PAN3: variants seen among roughly 807,000 people sequenced by gnomAD.
PAN3 encodes the protein PAN2-PAN3 deadenylation complex subunit PAN3.
In PAN3, 19 loss-of-function variants were observed where a neutral mutation model predicts 96.2. The ratio of observed to expected loss-of-function variants is 0.20; its 90% CI spans 0.14 to 0.29. The LOEUF (loss-of-function observed/expected upper bound fraction) is 0.29. Among genes scored for constraint, PAN3 ranks in the 10% least tolerant of loss-of-function variants. The pLI, the probability that PAN3 is intolerant of heterozygous loss-of-function variation, is 1.00. For synonymous variants in PAN3, 433 were observed against 406.6 expected (o/e 1.06, Z -0.78); for missense variants, 882 against 1,108.1 (o/e 0.80, Z 2.90).
chr13:28,141,420 A>G (rs1869794876), intron 1 of PAN3, among the ~76,000 whole-genome samples: 2 of 150,824 alleles, frequency 1.3e-5, no homozygotes. Flanking sequence ...TTCCTGACAG[A>G]CAGCTCTGAC....
rs553025685 is a variant in PAN3, at chr13:28,217,244, G to A, written c.853-2987G>A. On this transcript the variant is annotated intron_variant, in intron 5 of 18. Transcript: ENST00000380958. ...AAAGTTGGGGGATGATGTCATTTTG[G>A]AGAACTCACTATATAAGAAGCACTT... Among the ~76,000 whole-genome samples, 71 of 152,054 alleles carry A rather than the reference G, an allele frequency of 4.7e-4. No individual in the cohort carries two copies. In the South Asian group the frequency reaches 5.0e-3, roughly 11 times the overall value.
chr13:28,176,258 A>G (rs1874970918), intron 2 of PAN3, among the ~76,000 whole-genome samples: 1 of 152,226 alleles, frequency 6.6e-6, no homozygotes, highest in Non-Finnish European at 1.5e-5. Flanking sequence ...GCACAATTCA[A>G]AATAGGTCTG....
At chr13:28,248,429 A>G (rs1343970909) in intron 6 of PAN3, among the ~76,000 whole-genome samples, 1 of 152,150 alleles carries the variant, frequency 6.6e-6, no homozygotes, top group Non-Finnish European at 1.5e-5. Context: ...CCTCTTGCCT[A>G]ATTGCTGGGG....
intron 1 of PAN3, among the ~76,000 whole-genome samples, chr13:28,166,212 C>A (rs538870649): frequency 9.2e-4 from 140 of 152,276 alleles, no homozygotes; most frequent in African/African-American, 3.3e-3. Context: ...TGAAATCAGA[C>A]AAGTTACGCT....
At chr13:28,239,425 T>G (rs1410942518) in intron 6 of PAN3, 1 of 337,242 alleles carries the variant, frequency 3.0e-6, no homozygotes, top group East Asian at 7.8e-5. Context: ...GAACTGCCCA[T>G]GACATATAGA....
At position 28,256,388 on chromosome 13, in the gene PAN3, C is replaced by A. The variant is rs1317597080; in HGVS notation, c.1097C>A (p.Pro366Gln). 1 of 1,613,946 alleles carries A rather than the reference C, an allele frequency of 6.2e-7. No individual in the cohort carries two copies. The stretch of plus-strand genomic sequence containing the variant: ...AGAAGAAGAAGTCACACTCCAAATC[C>A]AGCAAGTTACATGGTGCCTTCTAGT... ...APRRRSHTPN[P>Q]ASYMVPSSAS... The change falls in exon 7 of 19, where the codon CCA becomes CAA. Residue 366 changes from proline (P) to glutamine (Q), a missense_variant. Pro to Gln is a moderately conservative substitution (Grantham distance 76). Coordinates refer to ENST00000380958, the MANE Select transcript of PAN3 (RefSeq NM_175854.8).
In PAN3 at chr13:28,197,355, A is replaced by C; in HGVS notation, c.852+9A>C. The C allele has an allele frequency of 6.4e-7, 1 of 1,566,274 alleles. No individual in the cohort carries two copies. The highest frequency in any genetic ancestry group is 1.7e-4 in the Middle Eastern group (1 of 5,906). On this transcript the variant is annotated intron_variant, in intron 5 of 18. Coordinates refer to ENST00000380958, the MANE Select transcript of PAN3 (RefSeq NM_175854.8). ...CAGAAAACAATTTACAGGTAAAAAT[A>C]ATTTTTATTAGACATTTCTTGAAAG...
At chr13:28,173,401 A>G (rs576939634) in intron 1 of PAN3, among the ~76,000 whole-genome samples, 112 of 152,346 alleles carry the variant, frequency 7.4e-4, no homozygotes, top group African/African-American at 2.5e-3. Context: ...TGTAATCACC[A>G]AAAGATATGA....
chr13:28,169,470 A>G (rs1874023362), intron 1 of PAN3, among the ~76,000 whole-genome samples: 1 of 151,548 alleles, frequency 6.6e-6, no homozygotes, highest in Non-Finnish European at 1.5e-5. Flanking sequence ...AGCTCAGGTA[A>G]TCTGCCCACC....
intron 6 of PAN3, among the ~76,000 whole-genome samples, chr13:28,220,608 A>G (rs924732903): frequency 7.3e-5 from 11 of 150,240 alleles, no homozygotes; most frequent in African/African-American, 2.8e-4. Flanking sequence ...TAAAACTCAC[A>G]AAAAAATTTA....
In PAN3 at chr13:28,256,325, A is replaced by G; in HGVS notation, c.1034A>G (p.His345Arg). The G allele has an allele frequency of 6.2e-7, 1 of 1,613,820 alleles. No individual in the cohort carries two copies. Among genetic ancestry groups the G allele is most frequent in the East Asian group, 2.2e-5 (1 of 44,872 alleles). Residue 345 changes from histidine (H) to arginine (R), a missense_variant, in exon 7 of 19, where the codon CAT becomes CGT. Physicochemically the swap from His to Arg is conservative, Grantham distance 29. Around this residue, in one of 3 missense-constraint regions of PAN3, gnomAD observed 364 missense variants for 513.6 expected, o/e 0.71. Coordinates refer to ENST00000380958, the MANE Select transcript of PAN3 (RefSeq NM_175854.8). Reference sequence around the variant, plus strand: ...TTGTCTGCTGGGTCTTCCCCTCTTCATTCCCCCAAGATTACTCCACATACT... The same window carrying G: ...TTGTCTGCTGGGTCTTCCCCTCTTCGTTCCCCCAAGATTACTCCACATACT... ...MSLSAGSSPLHSPKITPHTSP... is the reference protein window; with the variant it reads ...MSLSAGSSPLRSPKITPHTSP...
chr13:28,157,759 G>A (rs1333122323), intron 1 of PAN3, among the ~76,000 whole-genome samples: 1 of 152,122 alleles, frequency 6.6e-6, no homozygotes, highest in South Asian at 2.1e-4. Flanking sequence ...AATCAATATT[G>A]TTAAAATGGC....
chr13:28,243,303 C>A (rs1883853786), intron 6 of PAN3, among the ~76,000 whole-genome samples: 1 of 152,150 alleles, frequency 6.6e-6, no homozygotes, highest in African/African-American at 2.4e-5. Flanking sequence ...CTGGTTGAAG[C>A]AAATATTCCA....
At chr13:28,220,172 A>C in intron 5 of PAN3, 59 bp from the exon 6 acceptor site, 1 of 1,521,506 alleles carries the variant, frequency 6.6e-7, no homozygotes, top group Non-Finnish European at 9.0e-7. Context: ...TGCCTAGTAG[A>C]TTCAATGTCT....
chr13:28,165,560 AAG>A (rs1461942791), intron 1 of PAN3, among the ~76,000 whole-genome samples: 1 of 152,200 alleles, frequency 6.6e-6, no homozygotes, highest in East Asian at 1.9e-4. Context: ...ATAAAATAAA[AAG>A]AATATCAACC....
At chr13:28,266,379 A>C (rs1886178718) in intron 9 of PAN3, among the ~76,000 whole-genome samples, 1 of 152,228 alleles carries the variant, frequency 6.6e-6, no homozygotes, top group Admixed American at 6.5e-5. Context: ...AAACCTGATA[A>C]AATGTTTGCT....
chr13:28,245,421 C>G (rs1276732978), intron 6 of PAN3, among the ~76,000 whole-genome samples: 2 of 150,284 alleles, frequency 1.3e-5, no homozygotes, highest in Admixed American at 6.6e-5. Flanking sequence ...TTTCATTGTC[C>G]CCCCAACACC....
rs761885005 is a variant in PAN3 at position 28,261,397 on chromosome 13, A to G, written c.1354-4A>G. On this transcript the variant is annotated splice_polypyrimidine_tract_variant and splice_region_variant and intron_variant, in intron 8 of 18. Coordinates refer to ENST00000380958, the MANE Select transcript of PAN3 (RefSeq NM_175854.8). Reference sequence around the variant, plus strand: ...AATAAAAATATACTTATTTTGTTTCATAGGAGCTGATCAACAGACATTTAA... The same window carrying G: ...AATAAAAATATACTTATTTTGTTTCGTAGGAGCTGATCAACAGACATTTAA... 6.3e-7 allele frequency: 1 copy of G among 1,594,902 alleles called. No individual in the cohort carries two copies. The highest frequency in any genetic ancestry group is 1.7e-5 in the Admixed American group (1 of 59,238).
chr13:28,269,096 A>T (rs1360426267), intron 12 of PAN3, among the ~76,000 whole-genome samples: 2 of 152,136 alleles, frequency 1.3e-5, no homozygotes, highest in Non-Finnish European at 1.5e-5. Context: ...TGTCTTATGC[A>T]TTTCAGAATG....
Sources: gnomAD v4.1 joint callset for allele counts (sites outside exome capture counted in the v4.1 genomes callset) on GRCh38, gnomAD v4.1.1 for gene constraint, gnomAD v4.1.1 regional missense constraint, MANE v1.5 for transcripts, NCBI Gene and HGNC (gene_info 2026-07-23, HGNC 2026-07-21) for gene names.